Variants in SMC5 observed in about 807,000 individuals in gnomAD.
The protein encoded by SMC5 is structural maintenance of chromosomes protein 5.
A neutral mutation model predicts 148.3 loss-of-function variants in SMC5; 88 were observed. The observed-to-expected ratio is 0.59, with a 90% CI of 0.50 to 0.71. The LOEUF (loss-of-function observed/expected upper bound fraction) is 0.71. Ranked by LOEUF, SMC5 falls within the 30% of genes least tolerant of loss-of-function variation. The probability of loss-of-function intolerance (pLI) is 0.00; values close to 1 mark genes in which losing one functional copy is unlikely to be tolerated. For synonymous variants in SMC5, 421 were observed against 432.8 expected (o/e 0.97, Z 0.34); for missense variants, 1,142 against 1,298.9 (o/e 0.88, Z 1.86).
Position 70,338,380 on chromosome 9 carries a change from T to C in SMC5, c.2398-5764T>C, listed in dbSNP as rs189218434. On this transcript the variant is annotated intron_variant, in intron 17 of 24. Coordinates refer to ENST00000361138, the MANE Select transcript of SMC5 (RefSeq NM_015110.4). ...GATTCTCTTTTTGTTCTTGTTCCTT[T>C]TCCTTGCCCTTTGCCCAATTTAGCC... Among the ~76,000 whole-genome samples the C allele has an allele frequency of 2.3e-3, 354 of 152,306 alleles. 1 individual carries two copies. Among genetic ancestry groups the C allele is most frequent in the Non-Finnish European group, 4.2e-3 (287 of 68,014 alleles).
chr9:70,276,711 A>G (rs1306269715), intron 3 of SMC5, among the ~76,000 whole-genome samples: 2 of 152,206 alleles, frequency 1.3e-5, no homozygotes, highest in African/African-American at 4.8e-5. Flanking sequence ...GAGCAGTAGT[A>G]CTTCTAAAAG....
intron 17 of SMC5, among the ~76,000 whole-genome samples, chr9:70,333,293 A>G (rs907420740): frequency 3.9e-5 from 6 of 152,150 alleles, no homozygotes; most frequent in Non-Finnish European, 7.4e-5. Context: ...AAACAGTACT[A>G]TTTACAATAG....
Position 70,298,074 on chromosome 9 carries a change from A to G in SMC5, c.1162A>G (p.Lys388Glu), listed in dbSNP as rs1376608948. Reference sequence around the variant, plus strand: ...GATAGAGGATTTGCAAAATGAACTAAAGACCACGGAAAACTGCGAGAATCT... The same window carrying G: ...GATAGAGGATTTGCAAAATGAACTAGAGACCACGGAAAACTGCGAGAATCT... ...KMIEDLQNEL[K>E]TTENCENLQP... is the part of the protein sequence containing the mutation. The change falls in exon 9 of 25, where the codon AAG becomes GAG. Residue 388 changes from lysine (K) to glutamate (E), a missense_variant. Lys to Glu is a moderately conservative substitution (Grantham distance 56). Coordinates refer to ENST00000361138, the MANE Select transcript of SMC5 (RefSeq NM_015110.4). 6.2e-7 allele frequency: 1 copy of G among 1,613,948 alleles called. No individual in the cohort carries two copies. The highest frequency in any genetic ancestry group is 1.7e-5 in the Admixed American group (1 of 60,002).
chr9:70,277,417 A>T lies in SMC5; in HGVS notation c.488A>T (p.Glu163Val). Residue 163 changes from glutamate (E) to valine (V), a missense_variant, in exon 4 of 25, where the codon GAG becomes GTG. Physicochemically the swap from Glu to Val is moderately radical, Grantham distance 121. Around this residue, in one of 5 missense-constraint regions of SMC5, gnomAD observed 297 missense variants for 302.6 expected, o/e 0.98. Coordinates refer to ENST00000361138, the MANE Select transcript of SMC5 (RefSeq NM_015110.4). Reference sequence around the variant, plus strand: ...TCTACAACCCAGAAAATAGTGGAAGAGAAAGTTGCAGCCTTAAATATTCAA... The same window carrying T: ...TCTACAACCCAGAAAATAGTGGAAGTGAAAGTTGCAGCCTTAAATATTCAA... The part of the protein sequence containing the change: ...KKSTTQKIVE[E>V]KVAALNIQVG... 6.2e-7 allele frequency: 1 copy of T among 1,604,058 alleles called. No individual in the cohort carries two copies. The highest frequency in any genetic ancestry group is 8.5e-7 in the Non-Finnish European group (1 of 1,175,430).
At chr9:70,335,957 C>CT (rs2036344694) in intron 17 of SMC5, among the ~76,000 whole-genome samples, 1 of 152,164 alleles carries the variant, frequency 6.6e-6, no homozygotes, top group Non-Finnish European at 1.5e-5. Flanking sequence ...CATGTGTCCG[C>CT]TACCCCTCTT....
intron 10 of SMC5, among the ~76,000 whole-genome samples, chr9:70,301,347 A>G (rs2035352206): frequency 6.6e-6 from 1 of 152,156 alleles, no homozygotes; most frequent in African/African-American, 2.4e-5. Flanking sequence ...GCTGGCATAT[A>G]TTTCCATTTT....
intron 20 of SMC5, 50 bp from the exon 21 acceptor site, chr9:70,347,561 GTT>G: frequency 2.0e-6 from 2 of 984,672 alleles, no homozygotes. Flanking sequence ...ATTGTATATA[GTT>G]TTATCCTTTG....
At chr9:70,315,162 A>T (rs1692656582) in intron 12 of SMC5, among the ~76,000 whole-genome samples, 1 of 152,044 alleles carries the variant, frequency 6.6e-6, no homozygotes, top group South Asian at 2.1e-4. Context: ...AATGTTAATT[A>T]TAAAATAATT....
chr9:70,290,354 C>T (rs1225592120), intron 8 of SMC5, among the ~76,000 whole-genome samples: 2 of 152,058 alleles, frequency 1.3e-5, no homozygotes, highest in Admixed American at 6.5e-5. Context: ...TCCTCATTAG[C>T]ATAAAACCAG....
chr9:70,339,070 CTTG>C (rs1426675969), intron 17 of SMC5, among the ~76,000 whole-genome samples: 7 of 152,084 alleles, frequency 4.6e-5, no homozygotes, highest in Admixed American at 3.9e-4. Flanking sequence ...TCTTTCATTT[CTTG>C]TTGTGCATAC....
At position 70,352,291 on chromosome 9, in the gene SMC5, A is replaced by T. The variant is rs758899203; in HGVS notation, c.3266A>T (p.Gln1089Leu). ...AACACATGGAATTTAAAGGCTTTCC[A>T]AAGGCGGCGGCGCCGTATTACATTC... ...EPNTWNLKAF[Q>L]RRRRRITFTQ... The change falls in exon 25 of 25, where the codon CAA becomes CTA. Residue 1089 changes from glutamine (Q) to leucine (L), a missense_variant. Gln to Leu is a moderately radical substitution (Grantham distance 113). Transcript: ENST00000361138. 9.9e-6 allele frequency: 16 copies of T among 1,613,454 alleles called. No individual in the cohort carries two copies. Among genetic ancestry groups the T allele is most frequent in the Non-Finnish European group, 1.1e-5 (13 of 1,179,834 alleles).
rs139065285 is a variant in SMC5, at chr9:70,281,204, C to T, written c.819+305C>T. Among the ~76,000 whole-genome samples the T allele has an allele frequency of 8.0e-3, 1,206 of 150,956 alleles. 8 individuals are homozygous for T. The highest frequency in any genetic ancestry group is 0.02 in the Middle Eastern group (6 of 294). ...GGCATGTGCCACCACACCTGGCCAA[C>T]TTTTTTTTTGTATTTTTAGTAGAGA... On this transcript the variant is annotated intron_variant, in intron 6 of 24. Coordinates refer to ENST00000361138, the MANE Select transcript of SMC5 (RefSeq NM_015110.4).
In SMC5 at chr9:70,354,778, G is replaced by A. The variant is rs1226147807; in HGVS notation, c.*2447G>A. 1.3e-5 allele frequency: 2 copies of A among 152,108 alleles called. No homozygotes were observed. The highest frequency in any genetic ancestry group is 1.3e-4 in the Admixed American group (2 of 15,248). The allele number at this position is 152,108 out of a possible 1,614,324, so 9.4% of individuals were successfully genotyped here. A position where few individuals can be genotyped will look rare whatever the true frequency, so the allele number is the denominator to read the frequency against. ...GTATAAACCTTTAGATGTGAAAAAT[G>A]TAATTTCATTCTGCTATTGTGTGTG... On this transcript the variant is annotated 3_prime_UTR_variant, in exon 25 of 25. Coordinates refer to ENST00000361138, the MANE Select transcript of SMC5 (RefSeq NM_015110.4).
chr9:70,340,558 G>A (rs2036493891), intron 17 of SMC5, among the ~76,000 whole-genome samples: 1 of 149,158 alleles, frequency 6.7e-6, no homozygotes, highest in Non-Finnish European at 1.5e-5. Context: ...AACTAAATTG[G>A]AATGATGTTT....
intron 22 of SMC5, among the ~76,000 whole-genome samples, chr9:70,349,634 T>G (rs1327489671): frequency 6.6e-6 from 1 of 152,132 alleles, no homozygotes; most frequent in Non-Finnish European, 1.5e-5. Flanking sequence ...ACTGAAGAAG[T>G]TAGGGGGATT....
chr9:70,348,393 A>G (rs919828556), intron 22 of SMC5, among the ~76,000 whole-genome samples: 6 of 152,092 alleles, frequency 3.9e-5, no homozygotes, highest in Non-Finnish European at 7.4e-5. Flanking sequence ...TTTTTAATAA[A>G]GAATTTAAGA....
intron 2 of SMC5, among the ~76,000 whole-genome samples, chr9:70,267,685 C>A (rs2034326886): frequency 6.6e-6 from 1 of 152,040 alleles, no homozygotes; most frequent in South Asian, 2.1e-4. Flanking sequence ...TGGTAAGAGG[C>A]TATGGAGTGC....
Position 70,314,807 on chromosome 9 carries a change from A to G in SMC5, c.1644A>G (p.Lys548=), listed in dbSNP as rs1055605562. 1.8e-5 allele frequency: 29 copies of G among 1,571,240 alleles called. No individual in the cohort carries two copies. The highest frequency in any genetic ancestry group is 1.8e-4 in the Admixed American group (10 of 55,434). ...CTCCCAAGAGTTCATATGCAGACAA[A>G]GCACCTTCAAGATCTTTGAATGAAC... ...VIAPKSSYAD[K]APSRSLNELK... The change falls in exon 12 of 25, where the codon AAA becomes AAG. Residue 548 remains lysine (K), a synonymous_variant. Transcript: ENST00000361138.
chr9:70,317,251 A>T (rs975613758), intron 13 of SMC5, among the ~76,000 whole-genome samples: 13 of 152,046 alleles, frequency 8.6e-5, no homozygotes, highest in African/African-American at 3.1e-4. Context: ...TATACTCTTT[A>T]TGTTTTCTTT....
Sources: allele counts gnomAD v4.1 joint callset (sites outside exome capture counted in the v4.1 genomes callset), GRCh38; gene constraint gnomAD v4.1.1; regional missense constraint gnomAD v4.1.1; transcripts MANE v1.5; gene names NCBI Gene and HGNC (gene_info 2026-07-23, HGNC 2026-07-21).